Variants in TOX2 observed in about 807,000 individuals in gnomAD.
The protein encoded by TOX2 is granulosa cell HMG box 1.
TOX2 carries 15 observed loss-of-function variants against 47.4 expected under a neutral mutation model. That is an observed-to-expected ratio of 0.32 (90% CI 0.21 to 0.49). TOX2 has a LOEUF of 0.49. Among genes scored for constraint, TOX2 ranks in the 20% least tolerant of loss-of-function variants. TOX2 has a pLI of 0.99. For synonymous variants in TOX2, 290 were observed against 296.6 expected (o/e 0.98, Z 0.23); for missense variants, 622 against 673.1 (o/e 0.92, Z 0.84).
chr20:43,958,392 C>G (rs774211591), intron 1 of TOX2, among the ~76,000 whole-genome samples: 18 of 152,156 alleles, frequency 1.2e-4, no homozygotes, highest in Admixed American at 7.2e-4. Flanking sequence ...TCTAGACACC[C>G]CTTCTTCCCC....
chr20:43,972,574 G>A (rs550006240), intron 1 of TOX2, among the ~76,000 whole-genome samples: 60 of 152,364 alleles, frequency 3.9e-4, no homozygotes, highest in African/African-American at 1.4e-3. Flanking sequence ...GTGCTCTACA[G>A]TGCAACATCC....
rs150996339 is a variant in TOX2, at chr20:44,030,659, CTG to C, written c.412-20643_412-20642del. The stretch of plus-strand genomic sequence containing the variant: ...CTCTCGGCCCTCACCACCACTGTGA[CTG>C]TGTATTGATTTGGGTGTAGATGAGC... On this transcript the variant is annotated intron_variant, in intron 3 of 8. Transcript: ENST00000341197. Among the ~76,000 whole-genome samples the C allele has an allele frequency of 2.3e-3, 344 of 152,306 alleles. 3 individuals carry two copies. The highest frequency in any genetic ancestry group is 7.9e-3 in the African/African-American group (329 of 41,562).
rs2070688114 is a variant in TOX2, at chr20:44,006,698, C to T, written c.317C>T (p.Pro106Leu). 1 of 1,614,048 alleles carries T rather than the reference C, an allele frequency of 6.2e-7. No individual in the cohort carries two copies. Among genetic ancestry groups the T allele is most frequent in the African/African-American group, 1.3e-5 (1 of 74,924 alleles). ...CHGLTPNGLL[P>L]AYSYQAMDLP... ...GGCCTCACCCCCAACGGTCTGCTCC[C>T]TGCCTACTCCTATCAGGCCATGGAC... The change falls in exon 3 of 9, where the codon CCT becomes CTT. Residue 106 changes from proline (P) to leucine (L), a missense_variant. Around this residue, in one of 3 missense-constraint regions of TOX2, gnomAD observed 307 missense variants for 327.3 expected, o/e 0.94. Coordinates refer to ENST00000341197, the MANE Select transcript of TOX2 (RefSeq NM_001098797.2).
intron 1 of TOX2, among the ~76,000 whole-genome samples, chr20:43,965,490 GT>G (rs1165139554): frequency 5.9e-5 from 9 of 152,188 alleles, no homozygotes; most frequent in African/African-American, 2.2e-4. Flanking sequence ...CTGTCACATA[GT>G]AAGCACGCAC....
rs987604673 is a variant in TOX2, at chr20:43,916,379, G to C, written c.99+1389G>C. ...CTGAGTGCGCCCTCAGGCCCCAGGG[G>C]AGCGGCTTCTGGCAAAGCCTCCCTG... On this transcript the variant is annotated intron_variant, in intron 1 of 8. Transcript: ENST00000341197. This position sits in a 1 kb window ranked among gnomAD's most constrained non-coding sequence, Gnocchi z 5.0. Among the ~76,000 whole-genome samples, 20 of 152,254 alleles carry C rather than the reference G, an allele frequency of 1.3e-4. No individual in the cohort carries two copies. The highest frequency in any genetic ancestry group is 2.6e-4 in the Non-Finnish European group (18 of 68,050).
chr20:44,031,943 G>A (rs2071160079), intron 3 of TOX2, among the ~76,000 whole-genome samples: 1 of 152,194 alleles, frequency 6.6e-6, no homozygotes, highest in South Asian at 2.1e-4. Flanking sequence ...CTTTGCCCAT[G>A]TGCAATTTAC....
chr20:44,058,514 G>A (rs940031391), intron 5 of TOX2, among the ~76,000 whole-genome samples: 3 of 152,146 alleles, frequency 2.0e-5, no homozygotes, highest in African/African-American at 7.2e-5. Flanking sequence ...CTGACACTAG[G>A]GCAAGCTTGT....
intron 3 of TOX2, among the ~76,000 whole-genome samples, chr20:44,034,284 G>A (rs1297324390): frequency 6.6e-6 from 1 of 151,968 alleles, no homozygotes; most frequent in Non-Finnish European, 1.5e-5. Flanking sequence ...TCCAGGTATT[G>A]GAGGGGCTCC....
chr20:44,040,362 T>A (rs529439100), intron 3 of TOX2, among the ~76,000 whole-genome samples: 1 of 152,106 alleles, frequency 6.6e-6, no homozygotes, highest in East Asian at 1.9e-4. Flanking sequence ...AAGGACTGGC[T>A]GGAGAGGTGG....
chr20:44,043,369 T>C (rs970232061), intron 3 of TOX2, among the ~76,000 whole-genome samples: 1 of 152,230 alleles, frequency 6.6e-6, no homozygotes, highest in African/African-American at 2.4e-5. Flanking sequence ...TAAGGTCCCT[T>C]TGTACCTCTC....
chr20:43,936,138 G>A, intron 1 of TOX2, among the ~76,000 whole-genome samples: 1 of 152,070 alleles, frequency 6.6e-6, no homozygotes, highest in East Asian at 1.9e-4. Flanking sequence ...ATTCCCACTG[G>A]TAGAGACAGG....
chr20:44,016,518 T>G (rs1414412304), intron 3 of TOX2, among the ~76,000 whole-genome samples: 1 of 152,106 alleles, frequency 6.6e-6, no homozygotes, highest in Non-Finnish European at 1.5e-5. Flanking sequence ...GTGGGATGAT[T>G]CTCTGTTATT....
At chr20:43,941,394 G>C (rs1237466123) in intron 1 of TOX2, among the ~76,000 whole-genome samples, 1 of 151,086 alleles carries the variant, frequency 6.6e-6, no homozygotes, top group Non-Finnish European at 1.5e-5. Flanking sequence ...GTACAATGGC[G>C]CGATCTCGGC....
At position 44,001,367 on chromosome 20, in the gene TOX2, A is replaced by T. The variant is rs575050833; in HGVS notation, c.166-5180A>T. 2.0e-5 allele frequency among the ~76,000 whole-genome samples: 3 copies of T among 152,362 alleles called. No individual in the cohort carries two copies. The East Asian group carries it at 5.8e-4, about 29-fold the overall frequency. ...AACTAAATGGAGAAGGTACATGGAC[A>T]TGCTGGGCTCAGTGCCTGGCACATA... On this transcript the variant is annotated intron_variant, in intron 2 of 8. Coordinates refer to ENST00000341197, the MANE Select transcript of TOX2 (RefSeq NM_001098797.2).
intron 1 of TOX2, among the ~76,000 whole-genome samples, chr20:43,951,964 T>G (rs1353792976): frequency 3.3e-5 from 5 of 151,994 alleles, no homozygotes; most frequent in Non-Finnish European, 7.4e-5. Flanking sequence ...TGGTGCGATC[T>G]TGGCTCACTG....
At chr20:44,022,352 T>C (rs191284212) in intron 3 of TOX2, among the ~76,000 whole-genome samples, 14 of 152,360 alleles carry the variant, frequency 9.2e-5, no homozygotes, top group Non-Finnish European at 4.4e-5. Context: ...ATTCTTACCT[T>C]GTGGGTTGCT....
rs145870349 is a variant in TOX2 at position 43,959,822 on chromosome 20, G to A, written c.100-13545G>A. Among the ~76,000 whole-genome samples, 111 of 152,302 alleles carry A rather than the reference G, an allele frequency of 7.3e-4. 1 individual carries two copies. The highest frequency in any genetic ancestry group is 3.4e-3 in the Middle Eastern group (1 of 292). Reference sequence around the variant, plus strand: ...ATTGTCAAATACAAATATTGGCAGCGCAGGGCAACCTGAGGCTCTAGACTG... The same window carrying A: ...ATTGTCAAATACAAATATTGGCAGCACAGGGCAACCTGAGGCTCTAGACTG... On this transcript the variant is annotated intron_variant, in intron 1 of 8. Transcript: ENST00000341197.
rs774780996 is a variant in TOX2, at chr20:44,065,943, C to T, written c.1192C>T (p.Leu398Phe). 1.2e-6 allele frequency: 2 copies of T among 1,612,762 alleles called. No individual in the cohort carries two copies. The highest frequency in any genetic ancestry group is 2.2e-5 in the South Asian group (2 of 90,954). Reference protein sequence around the residue: ...ASPPPPPSFPLSPTLHQQLSL... With the variant: ...ASPPPPPSFPFSPTLHQQLSL... ...CCCGCCGCCGCCACCCTCCTTCCCG[C>T]TCAGCCCCACACTGCACCAGCAGCT... Residue 398 changes from leucine (L) to phenylalanine (F), a missense_variant, in exon 7 of 9, where the codon CTC becomes TTC. Leu to Phe is a conservative substitution (Grantham distance 22). Coordinates refer to ENST00000341197, the MANE Select transcript of TOX2 (RefSeq NM_001098797.2).
In TOX2 at chr20:43,928,997, A is replaced by C. The variant is rs867711959; in HGVS notation, c.99+14007A>C. Among the ~76,000 whole-genome samples the C allele has an allele frequency of 4.5e-3, 671 of 149,666 alleles. 2 individuals carry two copies. Among genetic ancestry groups the C allele is most frequent in the African/African-American group, 7.5e-3 (297 of 39,716 alleles). ...TAAAAATATGAAAAAAAAAAAAAAAAAACAACAACAAAAAAACTGGGCATG... is the reference window on the plus strand; with the variant it reads ...TAAAAATATGAAAAAAAAAAAAAAACAACAACAACAAAAAAACTGGGCATG... On this transcript the variant is annotated intron_variant, in intron 1 of 8. Coordinates refer to ENST00000341197, the MANE Select transcript of TOX2 (RefSeq NM_001098797.2).
Sources: gnomAD v4.1 joint callset for allele counts (sites outside exome capture counted in the v4.1 genomes callset) on GRCh38, gnomAD v4.1.1 for gene constraint, gnomAD v4.1.1 regional missense constraint, Gnocchi (gnomAD v3.1) non-coding constraint, MANE v1.5 for transcripts, NCBI Gene and HGNC (gene_info 2026-07-23, HGNC 2026-07-21) for gene names.